The following UPP2 variants were observed in gnomAD, a reference collection of about 807,000 sequenced individuals.
The protein encoded by UPP2 is uridine phosphorylase 2.
Under a neutral mutation model 26.7 loss-of-function variants are expected in UPP2, and 23 were observed. The ratio of observed to expected loss-of-function variants is 0.86; its 90% CI spans 0.62 to 1.22. The LOEUF (loss-of-function observed/expected upper bound fraction) is 1.22. UPP2 is among the 50% of genes most tolerant of loss of function. The probability of loss-of-function intolerance (pLI) is 0.00; values close to 1 mark genes in which losing one functional copy is unlikely to be tolerated. For missense variants in UPP2, 387 were observed against 396.7 expected, an observed-to-expected ratio of 0.98 and a Z score of 0.21; for synonymous variants, 127 against 141.3, an observed-to-expected ratio of 0.90 and a Z score of 0.72.
intron 3 of UPP2, among the ~76,000 whole-genome samples, chr2:158,024,386 T>C (rs969731235): frequency 6.6e-6 from 1 of 152,194 alleles, no homozygotes; most frequent in Non-Finnish European, 1.5e-5. Flanking sequence ...AGGATTGGGA[T>C]GTAAACTGCA....
At chr2:158,006,927 A>G (rs1683500783) in intron 2 of UPP2, among the ~76,000 whole-genome samples, 1 of 152,170 alleles carries the variant, frequency 6.6e-6, no homozygotes, top group African/African-American at 2.4e-5. Flanking sequence ...AGTGTGCAAG[A>G]TTTTGTGTAC....
intron 3 of UPP2, among the ~76,000 whole-genome samples, chr2:158,046,348 T>A (rs748524362): frequency 2.0e-5 from 3 of 152,244 alleles, no homozygotes; most frequent in Non-Finnish European, 4.4e-5. Flanking sequence ...AACTTCTCAA[T>A]TGCTCTTTAA....
intron 2 of UPP2, among the ~76,000 whole-genome samples, chr2:157,996,561 G>A (rs1183383734): frequency 2.6e-5 from 4 of 152,118 alleles, no homozygotes; most frequent in Non-Finnish European, 5.9e-5. Flanking sequence ...ATCTTTGAAA[G>A]TTATTTTTAT....
At chr2:158,126,880 A>G (rs1683704787) in intron 6 of UPP2, 2 of 152,186 alleles carry the variant, frequency 1.3e-5, no homozygotes, top group South Asian at 4.1e-4. Context: ...GGCCCACCCT[A>G]TCCTATCTCT....
At chr2:157,995,993 G>A (rs974182657) in intron 2 of UPP2, among the ~76,000 whole-genome samples, 1 of 152,054 alleles carries the variant, frequency 6.6e-6, no homozygotes, top group African/African-American at 2.4e-5. Context: ...TTCAAGATTG[G>A]TTTTACCAGT....
intron 3 of UPP2, among the ~76,000 whole-genome samples, chr2:158,087,923 T>C (rs1180933969): frequency 6.6e-6 from 1 of 152,220 alleles, no homozygotes; most frequent in Non-Finnish European, 1.5e-5. Context: ...TAAGATTCTT[T>C]CCTTCATCTT....
chr2:158,041,178 CAAG>C (rs1309767168), intron 3 of UPP2, among the ~76,000 whole-genome samples: 1 of 152,008 alleles, frequency 6.6e-6, no homozygotes, highest in Non-Finnish European at 1.5e-5. Context: ...TCACTTGAAA[CAAG>C]AAGCATTTTT....
chr2:158,060,025 C>G lies in UPP2; in HGVS notation c.148-42015C>G, dbSNP rs143340351. ...ATAGGCATTAATACATTAATTAACACATATTATGAATACATTAAATGCACG... is the reference window on the plus strand; with the variant it reads ...ATAGGCATTAATACATTAATTAACAGATATTATGAATACATTAAATGCACG... On this transcript the variant is annotated intron_variant, in intron 3 of 9. Coordinates refer to the UPP2 transcript ENST00000605860. 2.6e-3 allele frequency among the ~76,000 whole-genome samples: 391 copies of G among 152,236 alleles called. 3 individuals are homozygous for G. Among genetic ancestry groups the G allele is most frequent in the African/African-American group, 7.7e-3 (318 of 41,550 alleles).
chr2:158,108,636 G>A (rs1483314580), intron 2 of UPP2, among the ~76,000 whole-genome samples: 2 of 151,776 alleles, frequency 1.3e-5, no homozygotes, highest in South Asian at 4.2e-4. Flanking sequence ...CACACACATA[G>A]TTGTCTCATC....
chr2:158,027,226 A>G (rs1303292843), intron 3 of UPP2, among the ~76,000 whole-genome samples: 1 of 152,174 alleles, frequency 6.6e-6, no homozygotes, highest in Non-Finnish European at 1.5e-5. Flanking sequence ...GAGACAAGGC[A>G]AGTCCCTTCC....
chr2:158,086,591 T>G (rs901997957), intron 3 of UPP2, among the ~76,000 whole-genome samples: 2 of 152,126 alleles, frequency 1.3e-5, no homozygotes, highest in South Asian at 4.1e-4. Flanking sequence ...AGATTGTCTA[T>G]TTGTGGTCTT....
chr2:158,130,319 TG>T (rs1422292227), intron 6 of UPP2, among the ~76,000 whole-genome samples: 1 of 151,776 alleles, frequency 6.6e-6, no homozygotes, highest in Non-Finnish European at 1.5e-5. Flanking sequence ...GTCATGGTGG[TG>T]GGCATCTGTA....
At chr2:158,039,994 G>A (rs1042558952) in intron 3 of UPP2, among the ~76,000 whole-genome samples, 42 of 152,286 alleles carry the variant, frequency 2.8e-4, no homozygotes, top group Admixed American at 2.2e-3. Context: ...CCAAGTTGTC[G>A]GCTCCTGCTT....
intron 2 of UPP2, among the ~76,000 whole-genome samples, chr2:158,011,574 G>C (rs930980127): frequency 6.6e-6 from 1 of 151,960 alleles, no homozygotes; most frequent in South Asian, 2.1e-4. Flanking sequence ...GCTCAGCTTG[G>C]GTAAGTTGTC....
chr2:158,089,086 A>G (rs114674932), intron 3 of UPP2, among the ~76,000 whole-genome samples: 3,550 of 152,188 alleles, frequency 0.023, 138 homozygotes, highest in African/African-American at 0.078. Flanking sequence ...CAGAGCGGGT[A>G]GAGAAAGACC....
At position 158,096,359 on chromosome 2, in the gene UPP2, G is replaced by A. The variant is rs532624928; in HGVS notation, c.148-5681G>A. 2.6e-5 allele frequency among the ~76,000 whole-genome samples: 4 copies of A among 152,336 alleles called. No individual in the cohort carries two copies. In the East Asian group the frequency reaches 7.7e-4, roughly 29 times the overall value. ...CACGCCTGTAATCCCAGCACTTTGG[G>A]AGGCCAAGGCAGGCGGATTACCTGA... On this transcript the variant is annotated intron_variant, in intron 3 of 9. Coordinates refer to the UPP2 transcript ENST00000605860.
intron 3 of UPP2, among the ~76,000 whole-genome samples, chr2:158,031,514 G>C (rs538623347): frequency 6.6e-6 from 1 of 152,312 alleles, no homozygotes; most frequent in African/African-American, 2.4e-5. Context: ...GGATGGGTGA[G>C]GAGTGCAGAG....
chr2:158,031,898 G>T (rs538106802), intron 3 of UPP2, among the ~76,000 whole-genome samples: 2 of 152,074 alleles, frequency 1.3e-5, no homozygotes, highest in African/African-American at 4.8e-5. Context: ...GAATTTGATC[G>T]TGATCATGAT....
chr2:158,116,274 A>T (rs1330379337), intron 3 of UPP2, among the ~76,000 whole-genome samples: 1 of 152,234 alleles, frequency 6.6e-6, no homozygotes, highest in African/African-American at 2.4e-5. Flanking sequence ...AAGGAAGCTG[A>T]ATATCCACTG....
Sources: gnomAD v4.1 joint callset for allele counts (sites outside exome capture counted in the v4.1 genomes callset) on GRCh38, gnomAD v4.1.1 for gene constraint, MANE v1.5 for transcripts, NCBI Gene and HGNC (gene_info 2026-07-23, HGNC 2026-07-21) for gene names.